The following DENND1B variants were observed in gnomAD, a reference collection of about 807,000 sequenced individuals.
DENND1B encodes the protein DENN domain containing 1B, also known as DENN domain-containing protein 1B.
In DENND1B, 59 loss-of-function variants were observed where a neutral mutation model predicts 90.1. That is an observed-to-expected ratio of 0.65 (90% CI 0.53 to 0.81). The LOEUF (loss-of-function observed/expected upper bound fraction) is 0.81, where lower values mean the gene tolerates loss of function less well. DENND1B is among the 40% of genes least tolerant of loss of function. The pLI is 0.00. For missense variants in DENND1B, 862 were observed against 912.6 expected, an observed-to-expected ratio of 0.94 and a Z score of 0.71; for synonymous variants, 337 against 324.6, an observed-to-expected ratio of 1.04 and a Z score of -0.41.
At chr1:197,607,539 C>A (rs572482542) in intron 12 of DENND1B, among the ~76,000 whole-genome samples, 4 of 150,846 alleles carry the variant, frequency 2.7e-5, no homozygotes, top group African/African-American at 9.7e-5. Flanking sequence ...AGCTCTATAC[C>A]TATGTTTAGC....
At chr1:197,670,657 A>G (rs1655412955) in intron 5 of DENND1B, among the ~76,000 whole-genome samples, 1 of 152,186 alleles carries the variant, frequency 6.6e-6, no homozygotes, top group East Asian at 1.9e-4. Context: ...AAAAATAAGA[A>G]AGCATATACA....
chr1:197,585,461 T>C (rs1041728894), intron 14 of DENND1B, among the ~76,000 whole-genome samples: 1 of 152,222 alleles, frequency 6.6e-6, no homozygotes, highest in African/African-American at 2.4e-5. Context: ...CTAAAGTCTA[T>C]GCTTTCTTAA....
At chr1:197,681,335 T>A (rs1194530350) in intron 3 of DENND1B, among the ~76,000 whole-genome samples, 2 of 152,172 alleles carry the variant, frequency 1.3e-5, no homozygotes, top group African/African-American at 4.8e-5. Context: ...TATCTGATGA[T>A]TTCATCACAC....
intron 15 of DENND1B, among the ~76,000 whole-genome samples, chr1:197,571,520 A>G (rs1377829326): frequency 6.6e-6 from 1 of 152,190 alleles, no homozygotes; most frequent in East Asian, 1.9e-4. Flanking sequence ...TAGCTTAAAT[A>G]TCACCTTTTC....
chr1:197,652,126 C>T, intron 7 of DENND1B, 109 bp downstream of exon 7: 1 of 827,334 alleles, frequency 1.2e-6, no homozygotes, highest in Non-Finnish European at 2.0e-6. Context: ...ATGAAGTCTT[C>T]CTGGAAGCAG....
chr1:197,780,050 T>C (rs1657388796), upstream of DENND1B, among the ~76,000 whole-genome samples: 1 of 152,202 alleles, frequency 6.6e-6, no homozygotes, highest in Non-Finnish European at 1.5e-5. Context: ...ACATAAACAC[T>C]AAATTCTCAG....
intron 13 of DENND1B, among the ~76,000 whole-genome samples, chr1:197,601,517 C>A (rs1676210297): frequency 6.8e-6 from 1 of 146,734 alleles, no homozygotes; most frequent in East Asian, 2.0e-4. Context: ...TCAAGGTTTA[C>A]CTTTTTTAGA....
intron 2 of DENND1B, among the ~76,000 whole-genome samples, chr1:197,770,713 AATATATATCTATAAATATATATAAAT>A (rs1558503456): frequency 1.3e-4 from 18 of 142,254 alleles, no homozygotes; most frequent in Middle Eastern, 7.4e-3. Flanking sequence ...TAAATATATA[AATATATATCTATAAATATATATAAAT>A]ATATATATCT....
chr1:197,732,608 C>A lies in DENND1B; in HGVS notation c.83-17534G>T, dbSNP rs148015574. On this transcript the variant is annotated intron_variant, in intron 2 of 22. Coordinates refer to ENST00000620048, the MANE Select transcript of DENND1B (RefSeq NM_001195215.2). Reference sequence around the variant, plus strand: ...ATAATACAATATAAGCTGCTGCTTCCCCATATGCATAGTTATTCTCAGGAA... The same window carrying A: ...ATAATACAATATAAGCTGCTGCTTCACCATATGCATAGTTATTCTCAGGAA... Among the ~76,000 whole-genome samples, 110 of 152,232 alleles carry A rather than the reference C, an allele frequency of 7.2e-4. 1 individual carries two copies. Among genetic ancestry groups the A allele is most frequent in the Non-Finnish European group, 1.4e-3 (92 of 68,010 alleles).
chr1:197,743,930 C>T (rs1663453107), intron 2 of DENND1B, among the ~76,000 whole-genome samples: 1 of 152,168 alleles, frequency 6.6e-6, no homozygotes, highest in Admixed American at 6.5e-5. Context: ...GCATCTTCAC[C>T]AGTAGATTCC....
intron 2 of DENND1B, among the ~76,000 whole-genome samples, chr1:197,729,412 A>C (rs533393480): frequency 4.8e-4 from 73 of 152,256 alleles, no homozygotes; most frequent in African/African-American, 1.5e-3. Flanking sequence ...TATTTTAACA[A>C]GTAGCTGGCT....
At chr1:197,742,953 T>C (rs571097919) in intron 2 of DENND1B, among the ~76,000 whole-genome samples, 1 of 152,100 alleles carries the variant, frequency 6.6e-6, no homozygotes, top group South Asian at 2.1e-4. Context: ...CATGGACATG[T>C]GAGGAATTCA....
chr1:197,563,704 ACATTTC>A (rs1237765121), intron 15 of DENND1B, among the ~76,000 whole-genome samples: 1 of 152,038 alleles, frequency 6.6e-6, no homozygotes, highest in Non-Finnish European at 1.5e-5. Flanking sequence ...TTTAAGAAAT[ACATTTC>A]ATTAGGGCTA....
rs1404208376 is a variant in DENND1B, at chr1:197,775,165, T to C, written c.-10A>G. ...TGGTCCTGCAGTCCATGGTTACATG[T>C]CGGTGTGGGGCTGTCCGTCCGGCCC... On this transcript the variant is annotated 5_prime_UTR_variant, in exon 1 of 23. Coordinates refer to ENST00000620048, the MANE Select transcript of DENND1B (RefSeq NM_001195215.2). 1.5e-6 allele frequency: 2 copies of C among 1,301,728 alleles called. No individual in the cohort carries two copies. The highest frequency in any genetic ancestry group is 5.2e-5 in the South Asian group (2 of 38,546). 80.6% of individuals were successfully genotyped at this position (1,301,728 alleles called of 1,614,324 possible).
chr1:197,755,000 T>C (rs564774147), intron 2 of DENND1B, among the ~76,000 whole-genome samples: 1 of 152,294 alleles, frequency 6.6e-6, no homozygotes, highest in South Asian at 2.1e-4. Context: ...GGCATACATA[T>C]ACAGACACAC....
At chr1:197,661,132 A>G (rs982586893) in intron 5 of DENND1B, among the ~76,000 whole-genome samples, 2 of 152,136 alleles carry the variant, frequency 1.3e-5, no homozygotes, top group African/African-American at 4.8e-5. Flanking sequence ...TACTATTGGT[A>G]ATCTCAATTT....
chr1:197,637,231 A>G (rs1445604090), intron 10 of DENND1B, among the ~76,000 whole-genome samples: 2 of 152,236 alleles, frequency 1.3e-5, no homozygotes, highest in South Asian at 2.1e-4. Flanking sequence ...AGCTATAAGG[A>G]TAAGAAAAAA....
rs189462726 is a variant in DENND1B, at chr1:197,574,248, G to A, written c.1149+8904C>T. ...GATAAGCAACTTCAGCAAAGTCTCA[G>A]GATACAAAATCAGTGTGCAAAAATC... On this transcript the variant is annotated intron_variant, in intron 15 of 22. Coordinates refer to ENST00000620048, the MANE Select transcript of DENND1B (RefSeq NM_001195215.2). 7.0e-4 allele frequency among the ~76,000 whole-genome samples: 107 copies of A among 152,252 alleles called. 1 individual carries two copies. Among genetic ancestry groups the A allele is most frequent in the African/African-American group, 2.4e-3 (99 of 41,542 alleles).
chr1:197,670,927 T>C (rs911387090), intron 5 of DENND1B, among the ~76,000 whole-genome samples: 25 of 152,126 alleles, frequency 1.6e-4, no homozygotes, highest in Non-Finnish European at 2.4e-4. Context: ...GATGAAAAAG[T>C]TGTGCTAAAG....
Sources: gnomAD v4.1 joint callset for allele counts (sites outside exome capture counted in the v4.1 genomes callset) on GRCh38, gnomAD v4.1.1 for gene constraint, MANE v1.5 for transcripts, NCBI Gene and HGNC (gene_info 2026-07-23, HGNC 2026-07-21) for gene names.